CLYBL: variants seen among roughly 807,000 people sequenced by gnomAD.
CLYBL encodes the protein citramalyl-CoA lyase.
Under a neutral mutation model 38.9 loss-of-function variants are expected in CLYBL, and 31 were observed. The observed-to-expected ratio is 0.80, with a 90% CI of 0.60 to 1.08. The LOEUF (loss-of-function observed/expected upper bound fraction) is 1.08. CLYBL is among the 50% of genes least tolerant of loss of function. The pLI is 0.00. For synonymous variants in CLYBL, 171 were observed against 158.6 expected (o/e 1.08, Z -0.59); for missense variants, 434 against 411.6 (o/e 1.05, Z -0.47).
chr13:99,685,308 G>C (rs934114277), intron 1 of CLYBL, among the ~76,000 whole-genome samples: 1 of 152,168 alleles, frequency 6.6e-6, no homozygotes, highest in Admixed American at 6.5e-5. Context: ...CCTATTATGT[G>C]TATTCCAGAA....
At chr13:99,650,638 C>CT (rs1004144222) in intron 1 of CLYBL, among the ~76,000 whole-genome samples, 37 of 152,130 alleles carry the variant, frequency 2.4e-4, no homozygotes, top group African/African-American at 8.2e-4. Flanking sequence ...CCTCCATGGA[C>CT]TCTAGCACCA....
chr13:99,663,555 C>T lies in CLYBL; in HGVS notation c.62+56798C>T, dbSNP rs1029081517. 2.6e-5 allele frequency among the ~76,000 whole-genome samples: 4 copies of T among 152,212 alleles called. No homozygotes were observed. The East Asian group carries it at 5.8e-4, about 22-fold the overall frequency. On this transcript the variant is annotated intron_variant, in intron 1 of 8. Coordinates refer to ENST00000339105, the MANE Select transcript of CLYBL (RefSeq NM_206808.5). ...AATGAGCACTCCAGGCTGTGGAGTT[C>T]GGGACATGCCTTGGTTTGTGGGGAC...
intron 1 of CLYBL, among the ~76,000 whole-genome samples, chr13:99,660,371 C>T (rs2047391772): frequency 6.6e-6 from 1 of 152,186 alleles, no homozygotes; most frequent in Non-Finnish European, 1.5e-5. Flanking sequence ...CTTTTAAAAA[C>T]GTGTGGTGAT....
In CLYBL at chr13:99,637,656, G is replaced by A. The variant is rs922931535; in HGVS notation, c.62+30899G>A. ...ACCTGTAATCCCAGCTACTTGGGAGGCTGAGGGAGGAGAATTGCTTGAACC... is the reference window on the plus strand; with the variant it reads ...ACCTGTAATCCCAGCTACTTGGGAGACTGAGGGAGGAGAATTGCTTGAACC... On this transcript the variant is annotated intron_variant, in intron 1 of 8. Coordinates refer to ENST00000339105, the MANE Select transcript of CLYBL (RefSeq NM_206808.5). Among the ~76,000 whole-genome samples the A allele has an allele frequency of 6.6e-5, 10 of 152,296 alleles. 1 individual carries two copies. Among genetic ancestry groups the A allele is most frequent in the Admixed American group, 5.2e-4 (8 of 15,298 alleles).
chr13:99,622,373 G>A (rs961966411), intron 1 of CLYBL, among the ~76,000 whole-genome samples: 2 of 152,216 alleles, frequency 1.3e-5, no homozygotes, highest in African/African-American at 4.8e-5. Flanking sequence ...CATCTAATGG[G>A]CTGAGTTCCC....
chr13:99,806,293 C>T (rs1221010109), intron 2 of CLYBL, among the ~76,000 whole-genome samples: 1 of 152,188 alleles, frequency 6.6e-6, no homozygotes, highest in Non-Finnish European at 1.5e-5. Context: ...AGTGTCTCCA[C>T]ATTAAGTATT....
intron 2 of CLYBL, among the ~76,000 whole-genome samples, chr13:99,826,426 A>G (rs925245685): frequency 2.0e-5 from 3 of 152,318 alleles, no homozygotes; most frequent in African/African-American, 7.2e-5. Flanking sequence ...AAATAAGTCT[A>G]TCTATGTATC....
chr13:99,827,762 C>T (rs1044980819), intron 2 of CLYBL, among the ~76,000 whole-genome samples: 1 of 152,222 alleles, frequency 6.6e-6, no homozygotes, highest in Non-Finnish European at 1.5e-5. Flanking sequence ...CTCAGACTCT[C>T]GCTTTGTCCC....
At chr13:99,633,759 T>C (rs1015404664) in intron 1 of CLYBL, among the ~76,000 whole-genome samples, 9 of 152,068 alleles carry the variant, frequency 5.9e-5, no homozygotes, top group Non-Finnish European at 1.2e-4. Flanking sequence ...TGAAAATACA[T>C]GAACTAAATA....
At chr13:99,851,026 A>G (rs78578824) in intron 2 of CLYBL, among the ~76,000 whole-genome samples, 4,195 of 152,234 alleles carry the variant, frequency 0.028, 190 homozygotes, top group African/African-American at 0.096. Context: ...GGCAGGGGAA[A>G]ATAGGGAGTT....
chr13:99,772,074 A>T (rs1343333756), intron 1 of CLYBL, among the ~76,000 whole-genome samples: 25 of 151,680 alleles, frequency 1.6e-4, no homozygotes, highest in Admixed American at 1.6e-3. Flanking sequence ...TAAAAGATGT[A>T]TTGGCAGGGC....
chr13:99,733,293 A>G (rs2048620037), intron 1 of CLYBL, among the ~76,000 whole-genome samples: 1 of 152,184 alleles, frequency 6.6e-6, no homozygotes, highest in Middle Eastern at 3.2e-3. Flanking sequence ...AACAAACTGT[A>G]ATTACTAGGA....
At chr13:99,880,324 CAA>C (rs917235533) in intron 7 of CLYBL, among the ~76,000 whole-genome samples, 1 of 152,028 alleles carries the variant, frequency 6.6e-6, no homozygotes, top group Admixed American at 6.5e-5. Context: ...TTCGGCCTCC[CAA>C]AGTGTTGGGA....
intron 1 of CLYBL, among the ~76,000 whole-genome samples, chr13:99,630,757 C>A (rs2046931865): frequency 6.6e-6 from 1 of 152,122 alleles, no homozygotes; most frequent in African/African-American, 2.4e-5. Context: ...TTGGAGAAGA[C>A]TACAGTCTCC....
At chr13:99,714,712 C>T (rs1359607254) in intron 1 of CLYBL, among the ~76,000 whole-genome samples, 1 of 151,832 alleles carries the variant, frequency 6.6e-6, no homozygotes, top group Non-Finnish European at 1.5e-5. Flanking sequence ...CTTTGGGAGG[C>T]CGAGGTGGGC....
intron 2 of CLYBL, among the ~76,000 whole-genome samples, chr13:99,806,595 T>C (rs768938189): frequency 1.3e-5 from 2 of 152,248 alleles, no homozygotes; most frequent in Non-Finnish European, 2.9e-5. Context: ...TTCTGATCTT[T>C]GAAATCAGAA....
rs1162653384 is a variant in CLYBL, at chr13:99,621,772, T to TG, written c.62+15015_62+15016insG. On this transcript the variant is annotated intron_variant, in intron 1 of 8. Transcript: ENST00000339105. ...TTTTGGCGATTTTTTTTTTTTTCCC[T>TG]TTAGCTTATCAGCTGTTGTTAGTGG... Among the ~76,000 whole-genome samples, 3 of 147,692 alleles carry TG rather than the reference T, an allele frequency of 2.0e-5. No homozygotes were observed. The East Asian group carries it at 6.2e-4, about 30-fold the overall frequency.
exon 10 of CLYBL, among the ~76,000 whole-genome samples, chr13:99,908,739 A>G (rs1198351810): frequency 3.3e-5 from 5 of 152,200 alleles, no homozygotes; most frequent in Non-Finnish European, 7.3e-5. Flanking sequence ...TTTCTATATC[A>G]TACTCTTGTG....
At chr13:99,728,690 G>A (rs1359550296) in intron 1 of CLYBL, among the ~76,000 whole-genome samples, 1 of 151,928 alleles carries the variant, frequency 6.6e-6, no homozygotes, top group Non-Finnish European at 1.5e-5. Flanking sequence ...GTCCTCGCAC[G>A]TAGCTGGGAC....
Sources: allele counts gnomAD v4.1 joint callset (sites outside exome capture counted in the v4.1 genomes callset), GRCh38; gene constraint gnomAD v4.1.1; transcripts MANE v1.5; gene names NCBI Gene and HGNC (gene_info 2026-07-23, HGNC 2026-07-21).